CLIP1: variants seen among roughly 807,000 people sequenced by gnomAD.
CLIP1 encodes the protein CAP-Gly domain containing linker protein 1.
Under a neutral mutation model 161.6 loss-of-function variants are expected in CLIP1, and 66 were observed. That is an observed-to-expected ratio of 0.41 (90% CI 0.33 to 0.50). The LOEUF (loss-of-function observed/expected upper bound fraction) is 0.50, where lower values mean the gene tolerates loss of function less well. Ranked by LOEUF, CLIP1 falls within the 20% of genes least tolerant of loss-of-function variation. The pLI is 0.27. For synonymous variants in CLIP1, 598 were observed against 626.2 expected, an observed-to-expected ratio of 0.96 and a Z score of 0.67; for missense variants, 1,376 against 1,702.0, an observed-to-expected ratio of 0.81 and a Z score of 3.37.
rs915695951 is a variant in CLIP1, at chr12:122,420,944, T to C, written c.-107+1577A>G. On this transcript the variant is annotated intron_variant, in intron 1 of 25. Transcript: ENST00000620786. ...ATTGAGGCTCCCTCTCATTGATTGA[T>C]TGATTGATTGATGGATGGATAGACA... is the stretch of plus-strand genomic sequence containing the variant. Among the ~76,000 whole-genome samples the C allele has an allele frequency of 3.3e-5, 5 of 151,474 alleles. No individual in the cohort carries two copies. The South Asian group carries it at 8.4e-4, about 26-fold the overall frequency.
rs542253443 is a variant in CLIP1 at position 122,278,530 on chromosome 12, T to C, written c.3916+262A>G. 1.7e-5 allele frequency: 9 copies of C among 533,810 alleles called. No individual in the cohort carries two copies. In the Middle Eastern group the frequency reaches 1.5e-3, roughly 88 times the overall value. 33.1% of individuals were successfully genotyped at this position (533,810 alleles called of 1,614,324 possible). Reference sequence around the variant, plus strand: ...GACCACCTCTTCTCCTGCACTGTTATGTACTTTAAGACCCCCCAGTCTGGA... The same window carrying C: ...GACCACCTCTTCTCCTGCACTGTTACGTACTTTAAGACCCCCCAGTCTGGA... On this transcript the variant is annotated intron_variant, in intron 23 of 25. Transcript: ENST00000620786.
At chr12:122,382,193 C>G (rs1955035523) in intron 1 of CLIP1, among the ~76,000 whole-genome samples, 1 of 152,052 alleles carries the variant, frequency 6.6e-6, no homozygotes, top group African/African-American at 2.4e-5. Context: ...GAAACTCTGT[C>G]TCTACTAAAA....
intron 13 of CLIP1, 74 bp from the exon 14 acceptor site, chr12:122,334,184 A>G: frequency 1.1e-6 from 1 of 891,236 alleles, no homozygotes; most frequent in South Asian, 1.5e-5. Context: ...CTGTCTTACA[A>G]CCCAGTCAAA....
chr12:122,382,396 G>A (rs763276332), intron 1 of CLIP1, among the ~76,000 whole-genome samples: 21 of 151,598 alleles, frequency 1.4e-4, no homozygotes, highest in African/African-American at 4.6e-4. Flanking sequence ...GTTGTGGCGC[G>A]TGCCTCCTGT....
Position 122,354,465 on chromosome 12 carries a change from T to C in CLIP1, c.1295A>G (p.Glu432Gly), listed in dbSNP as rs1258179200. ...AGTCTGGGGTCACCTTTTCTCCTCT[T>C]CAAGCTGGTTGAGAAGCTCCACCTT... is the stretch of plus-strand genomic sequence containing the variant. The part of the protein sequence containing the change: ...REKVELLNQL[E>G]EEKRKVEDLQ... Residue 432 changes from glutamate (E) to glycine (G), a missense_variant, in exon 7 of 26, where the codon GAA becomes GGA. Glu to Gly is a moderately conservative substitution (Grantham distance 98, BLOSUM62 -2). Around this residue, in one of 6 missense-constraint regions of CLIP1, gnomAD observed 211 missense variants for 295.1 expected, o/e 0.72. Coordinates refer to ENST00000620786, the MANE Select transcript of CLIP1 (RefSeq NM_001247997.2). 1 of 1,613,558 alleles carries C rather than the reference T, an allele frequency of 6.2e-7. No individual in the cohort carries two copies. Among genetic ancestry groups the C allele is most frequent in the Non-Finnish European group, 8.5e-7 (1 of 1,179,688 alleles).
intron 1 of CLIP1, among the ~76,000 whole-genome samples, chr12:122,389,042 C>T (rs1209054323): frequency 6.6e-6 from 1 of 152,222 alleles, no homozygotes; most frequent in Non-Finnish European, 1.5e-5. Flanking sequence ...CCCTTTGCTT[C>T]GAATGTCCTT....
chr12:122,364,747 C>T (rs962957247), intron 3 of CLIP1: 6 of 648,826 alleles, frequency 9.2e-6, no homozygotes, highest in African/African-American at 3.6e-5. Flanking sequence ...CTTCGCCTTT[C>T]GGCCGGAACC....
At position 122,380,523 on chromosome 12, in the gene CLIP1, G is replaced by A; in HGVS notation, c.-71C>T. 1 of 940,250 alleles carries A rather than the reference G, an allele frequency of 1.1e-6. No individual in the cohort carries two copies. The highest frequency in any genetic ancestry group is 2.5e-5 in the East Asian group (1 of 40,380). The allele number at this position is 940,250 out of a possible 1,614,324, so 58.2% of individuals were successfully genotyped here. A position where few individuals can be genotyped will look rare whatever the true frequency, so the allele number is the denominator to read the frequency against. On this transcript the variant is annotated 5_prime_UTR_variant, in exon 2 of 26. Coordinates refer to ENST00000620786, the MANE Select transcript of CLIP1 (RefSeq NM_001247997.2). ...TCTTTCCCCAACCATTGATACAACTGTGGGTTCTATAGTGAAGTCAGTCTC... is the reference window on the plus strand; with the variant it reads ...TCTTTCCCCAACCATTGATACAACTATGGGTTCTATAGTGAAGTCAGTCTC...
At chr12:122,298,824 G>A (rs1378801404) in intron 20 of CLIP1, among the ~76,000 whole-genome samples, 1 of 151,894 alleles carries the variant, frequency 6.6e-6, no homozygotes, top group Non-Finnish European at 1.5e-5. Flanking sequence ...GTGTGGTGGT[G>A]CACGCCAGTA....
intron 10 of CLIP1, among the ~76,000 whole-genome samples, chr12:122,344,715 T>G (rs1952663201): frequency 6.6e-6 from 1 of 152,250 alleles, no homozygotes; most frequent in Non-Finnish European, 1.5e-5. Flanking sequence ...TTTGAGACCA[T>G]GAATTAAGTC....
intron 20 of CLIP1, among the ~76,000 whole-genome samples, chr12:122,304,102 C>G (rs1251626129): frequency 6.6e-6 from 1 of 152,188 alleles, no homozygotes; most frequent in Non-Finnish European, 1.5e-5. Context: ...AGAAAATGAC[C>G]ACTGGCAGTT....
intron 8 of CLIP1, 47 bp downstream of exon 8, chr12:122,352,679 G>C: frequency 6.7e-7 from 1 of 1,489,046 alleles, no homozygotes; most frequent in East Asian, 2.3e-5. Flanking sequence ...CCCGTGTTCT[G>C]AATACTGATA....
chr12:122,396,149 C>A (rs1268469874), intron 1 of CLIP1, among the ~76,000 whole-genome samples: 1 of 151,442 alleles, frequency 6.6e-6, no homozygotes, highest in Non-Finnish European at 1.5e-5. Flanking sequence ...ATCCTGATAA[C>A]TGAGTAGAAA....
intron 24 of CLIP1, chr12:122,275,034 T>A (rs1955349784): frequency 6.6e-6 from 1 of 151,762 alleles, no homozygotes; most frequent in African/African-American, 2.4e-5. Flanking sequence ...GTATTTTTAA[T>A]AGAGACGGGG....
chr12:122,274,541 G>GTTTTTTTTTT (rs140034285), intron 24 of CLIP1: 5 of 144,734 alleles, frequency 3.5e-5, no homozygotes, highest in Non-Finnish European at 6.1e-5. Context: ...GTTTTGTTTT[G>GTTTTTTTTTT]TTTTTTTTTT....
intron 10 of CLIP1, among the ~76,000 whole-genome samples, chr12:122,344,938 T>C (rs1952674835): frequency 6.6e-6 from 1 of 152,164 alleles, no homozygotes; most frequent in Admixed American, 6.5e-5. Flanking sequence ...ATATAAGCTT[T>C]ACACTGAAAT....
chr12:122,283,139 A>G (rs1023050353), intron 21 of CLIP1, among the ~76,000 whole-genome samples: 1 of 152,176 alleles, frequency 6.6e-6, no homozygotes, highest in Non-Finnish European at 1.5e-5. Context: ...TAGAGAATGG[A>G]GCAACCAAAC....
At position 122,351,169 on chromosome 12, in the gene CLIP1, TAAAC is replaced by T. The variant is rs1434961881; in HGVS notation, c.1369-30_1369-27del. On this transcript the variant is annotated intron_variant, in intron 8 of 25. Coordinates refer to ENST00000620786, the MANE Select transcript of CLIP1 (RefSeq NM_001247997.2). ...CTATCAGTAAAAAAATAAAAAAAAT[TAAAC>T]AACAACAAAAAAGAGATTCCAATAA... is the stretch of plus-strand genomic sequence containing the variant. 4 of 1,399,986 alleles carry T rather than the reference TAAAC, an allele frequency of 2.9e-6. No individual in the cohort carries two copies. In the South Asian group the frequency reaches 5.6e-5, roughly 20 times the overall value. 86.7% of individuals were successfully genotyped at this position (1,399,986 alleles called of 1,614,324 possible). A position where few individuals can be genotyped will look rare whatever the true frequency, so the allele number is the denominator to read the frequency against.
chr12:122,303,566 TC>T (rs1950765374), intron 20 of CLIP1, among the ~76,000 whole-genome samples: 1 of 152,170 alleles, frequency 6.6e-6, no homozygotes, highest in African/African-American at 2.4e-5. Flanking sequence ...GTGATCTCTT[TC>T]CTGAGATTTT....
Sources: gnomAD v4.1 joint callset for allele counts (sites outside exome capture counted in the v4.1 genomes callset) on GRCh38, gnomAD v4.1.1 for gene constraint, gnomAD v4.1.1 regional missense constraint, MANE v1.5 for transcripts, NCBI Gene and HGNC (gene_info 2026-07-23, HGNC 2026-07-21) for gene names.